Variants in FHOD3 observed in about 807,000 individuals in gnomAD.
The protein encoded by FHOD3 is FH1/FH2 domain-containing protein 3.
Under a neutral mutation model 173.0 loss-of-function variants are expected in FHOD3, and 90 were observed. The ratio of observed to expected loss-of-function variants is 0.52; its 90% CI spans 0.44 to 0.62. The LOEUF (loss-of-function observed/expected upper bound fraction) is 0.62. Ranked by LOEUF, FHOD3 falls within the 20% of genes least tolerant of loss-of-function variation. The probability of loss-of-function intolerance (pLI) is 0.00; values close to 1 mark genes in which losing one functional copy is unlikely to be tolerated. For missense variants in FHOD3, 1,945 were observed against 2,034.7 expected, an observed-to-expected ratio of 0.96 and a Z score of 0.85; for synonymous variants, 828 against 823.0, an observed-to-expected ratio of 1.01 and a Z score of -0.10.
intron 7 of FHOD3, among the ~76,000 whole-genome samples, chr18:36,599,425 GAGT>G (rs1464348804): frequency 6.6e-6 from 1 of 152,228 alleles, no homozygotes; most frequent in Non-Finnish European, 1.5e-5. Context: ...TTCTGCTTAA[GAGT>G]ATATCTATCT....
At chr18:36,697,733 G>T (rs2039367047) in intron 17 of FHOD3, among the ~76,000 whole-genome samples, 1 of 152,192 alleles carries the variant, frequency 6.6e-6, no homozygotes, top group Non-Finnish European at 1.5e-5. Flanking sequence ...GGCATTTAAA[G>T]TATGGGTAAA....
rs34946996 is a variant in FHOD3, at chr18:36,694,976, G to GGT, written c.2236+1573_2236+1574dup. Among the ~76,000 whole-genome samples, 648 of 149,014 alleles carry GGT rather than the reference G, an allele frequency of 4.3e-3. 4 individuals are homozygous for GGT. The highest frequency in any genetic ancestry group is 0.012 in the African/African-American group (494 of 40,498). On this transcript the variant is annotated intron_variant, in intron 17 of 28. Transcript: ENST00000590592. The stretch of plus-strand genomic sequence containing the variant: ...AAAATAGTCATTTCATGTATACGTG[G>GGT]GTGTGTGTGTGTGTGTGTGTGCGTG...
intron 1 of FHOD3, among the ~76,000 whole-genome samples, chr18:36,343,354 A>G (rs1466084324): frequency 6.6e-6 from 1 of 152,240 alleles, no homozygotes; most frequent in East Asian, 1.9e-4. Flanking sequence ...AATAAATGCT[A>G]CAGCATAGAT....
intron 5 of FHOD3, among the ~76,000 whole-genome samples, chr18:36,568,217 A>G (rs1261846015): frequency 6.7e-6 from 1 of 150,056 alleles, no homozygotes; most frequent in East Asian, 2.0e-4. Flanking sequence ...GCACATCTGT[A>G]ATTCCAGCTA....
chr18:36,681,814 C>T (rs998066733), intron 15 of FHOD3, among the ~76,000 whole-genome samples: 1 of 152,056 alleles, frequency 6.6e-6, no homozygotes, highest in African/African-American at 2.4e-5. Context: ...TATTCTTGGG[C>T]CCTCCATTAC....
At chr18:36,667,110 T>C (rs566132424) in intron 14 of FHOD3, among the ~76,000 whole-genome samples, 1 of 152,350 alleles carries the variant, frequency 6.6e-6, no homozygotes, top group East Asian at 1.9e-4. Flanking sequence ...TTTGATTGAG[T>C]AGTATTCCAT....
At chr18:36,725,547 G>A (rs182703889) in intron 19 of FHOD3, among the ~76,000 whole-genome samples, 68 of 152,320 alleles carry the variant, frequency 4.5e-4, no homozygotes, top group African/African-American at 1.6e-3. Context: ...CACTGAGAAT[G>A]TCTTGAGACT....
intron 3 of FHOD3, among the ~76,000 whole-genome samples, chr18:36,446,422 T>TA (rs1211579131): frequency 6.6e-6 from 1 of 151,964 alleles, no homozygotes; most frequent in East Asian, 1.9e-4. Context: ...TTTTTTTTTT[T>TA]TTTGCTTTTC....
In FHOD3 at chr18:36,424,079, C is replaced by G. The variant is rs139559231; in HGVS notation, c.337+51335C>G. On this transcript the variant is annotated intron_variant, in intron 3 of 28. Coordinates refer to ENST00000590592, the MANE Select transcript of FHOD3 (RefSeq NM_001281740.3). ...TACACAAAACACACACCTACACACA[C>G]CTAAAGCATCTCCCACCTACCTCAG... Among the ~76,000 whole-genome samples, 585 of 152,288 alleles carry G rather than the reference C, an allele frequency of 3.8e-3. 6 individuals carry two copies. The highest frequency in any genetic ancestry group is 0.014 in the African/African-American group (561 of 41,546).
At chr18:36,416,941 C>T (rs1286434542) in intron 3 of FHOD3, among the ~76,000 whole-genome samples, 1 of 152,126 alleles carries the variant, frequency 6.6e-6, no homozygotes, top group Non-Finnish European at 1.5e-5. Flanking sequence ...CATTCCCACC[C>T]ACCACTCCCA....
intron 17 of FHOD3, 109 bp downstream of exon 17, chr18:36,693,532 T>C (rs2039086570): frequency 1.0e-6 from 1 of 991,810 alleles, no homozygotes; most frequent in Admixed American, 2.3e-5. Flanking sequence ...ACAGCAACTA[T>C]GGGTACACTT....
At chr18:36,649,506 C>T in intron 11 of FHOD3, 101 bp downstream of exon 11, 1 of 826,704 alleles carries the variant, frequency 1.2e-6, no homozygotes, top group Non-Finnish European at 1.9e-6. Flanking sequence ...TCCTCATTGA[C>T]TCCCACTTGC....
intron 17 of FHOD3, among the ~76,000 whole-genome samples, chr18:36,705,354 C>T (rs1296309800): frequency 2.0e-5 from 3 of 152,192 alleles, no homozygotes; most frequent in Non-Finnish European, 4.4e-5. Flanking sequence ...AGCATTTCCC[C>T]CCTTTTAACT....
intron 10 of FHOD3, among the ~76,000 whole-genome samples, chr18:36,639,006 T>A (rs970715278): frequency 6.6e-6 from 1 of 152,174 alleles, no homozygotes; most frequent in African/African-American, 2.4e-5. Flanking sequence ...AGTCTTCCAT[T>A]CCAGTGTATT....
intron 3 of FHOD3, among the ~76,000 whole-genome samples, chr18:36,497,722 A>G (rs1708708): frequency 6.6e-6 from 1 of 151,896 alleles, no homozygotes; most frequent in African/African-American, 2.4e-5. Context: ...ACTCATAAAG[A>G]TGAAAGAAGA....
intron 16 of FHOD3, among the ~76,000 whole-genome samples, chr18:36,688,897 C>T (rs1462048305): frequency 6.6e-6 from 1 of 152,198 alleles, no homozygotes. Flanking sequence ...GTCTGGCAAA[C>T]TCGTAAGAGG....
At chr18:36,465,883 C>A (rs1176303338) in intron 3 of FHOD3, among the ~76,000 whole-genome samples, 1 of 152,086 alleles carries the variant, frequency 6.6e-6, no homozygotes, top group Non-Finnish European at 1.5e-5. Flanking sequence ...ATTCTCCTCC[C>A]TCTTCTTAAT....
chr18:36,640,833 G>C (rs370592253), intron 10 of FHOD3, among the ~76,000 whole-genome samples: 112 of 152,230 alleles, frequency 7.4e-4, no homozygotes, highest in African/African-American at 2.6e-3. Flanking sequence ...GCCAAGCACG[G>C]TTCAGGAACC....
At chr18:36,632,741 G>T (rs1198198953) in intron 10 of FHOD3, among the ~76,000 whole-genome samples, 1 of 152,158 alleles carries the variant, frequency 6.6e-6, no homozygotes, top group East Asian at 1.9e-4. Flanking sequence ...CAATGGAAGA[G>T]GTAGGGATGG....
Sources: allele counts gnomAD v4.1 joint callset (sites outside exome capture counted in the v4.1 genomes callset), GRCh38; gene constraint gnomAD v4.1.1; transcripts MANE v1.5; gene names NCBI Gene and HGNC (gene_info 2026-07-23, HGNC 2026-07-21).